KAZN: variants seen among roughly 807,000 people sequenced by gnomAD.
KAZN encodes the protein kazrin, periplakin interacting protein, also known as kazrin.
In KAZN, 40 loss-of-function variants were observed where a neutral mutation model predicts 87.4. The observed-to-expected ratio is 0.46, with a 90% CI of 0.36 to 0.60. KAZN has a LOEUF of 0.60. KAZN is among the 20% of genes least tolerant of loss of function. The probability of loss-of-function intolerance (pLI) is 0.00; values close to 1 mark genes in which losing one functional copy is unlikely to be tolerated. For missense variants in KAZN, 898 were observed against 1,073.9 expected, an observed-to-expected ratio of 0.84 and a Z score of 2.29; for synonymous variants, 466 against 458.3, an observed-to-expected ratio of 1.02 and a Z score of -0.22.
intron 2 of KAZN, among the ~76,000 whole-genome samples, chr1:14,383,937 C>A (rs1305693170): frequency 1.3e-5 from 2 of 151,994 alleles, no homozygotes; most frequent in East Asian, 3.9e-4. Flanking sequence ...TTGATTCTTC[C>A]TACCCATGAG....
At chr1:13,935,760 T>C (rs1222764504) in intron 1 of KAZN, among the ~76,000 whole-genome samples, 2 of 152,140 alleles carry the variant, frequency 1.3e-5, no homozygotes, top group African/African-American at 4.8e-5. Context: ...TTGGTTTGAA[T>C]TTAGTAGCTG....
chr1:14,568,568 G>C (rs1674675846), intron 2 of KAZN, among the ~76,000 whole-genome samples: 2 of 152,128 alleles, frequency 1.3e-5, no homozygotes, highest in African/African-American at 2.4e-5. Flanking sequence ...TCACTATCAT[G>C]AGAACAGCAC....
At chr1:14,087,657 A>G (rs1643886076) in intron 1 of KAZN, among the ~76,000 whole-genome samples, 1 of 151,976 alleles carries the variant, frequency 6.6e-6, no homozygotes, top group Non-Finnish European at 1.5e-5. Context: ...AGTTTTTTTT[A>G]TCAAGAGTGG....
At chr1:14,902,428 C>A (rs1656036830) in intron 1 of KAZN, among the ~76,000 whole-genome samples, 1 of 152,024 alleles carries the variant, frequency 6.6e-6, no homozygotes, top group South Asian at 2.1e-4. Flanking sequence ...CGGGGTTTCA[C>A]CGTGTTAGCC....
At chr1:14,878,850 A>G (rs938015796) in intron 1 of KAZN, among the ~76,000 whole-genome samples, 1 of 152,174 alleles carries the variant, frequency 6.6e-6, no homozygotes, top group Non-Finnish European at 1.5e-5. Context: ...AAGTCCATTG[A>G]ATATTCATGA....
At chr1:14,858,921 T>C (rs1650496772) in intron 1 of KAZN, among the ~76,000 whole-genome samples, 1 of 152,192 alleles carries the variant, frequency 6.6e-6, no homozygotes, top group South Asian at 2.1e-4. Context: ...TCATCTTCCA[T>C]GTATTAAGAA....
intron 1 of KAZN, among the ~76,000 whole-genome samples, chr1:14,139,296 G>A (rs6678827): frequency 0.56 from 84,685 of 152,086 alleles, 24,984 homozygotes; most frequent in East Asian, 0.72. Context: ...TTCTCGCTAT[G>A]GTAATGGCTA....
chr1:14,939,461 G>C (rs181718436), intron 1 of KAZN, among the ~76,000 whole-genome samples: 14 of 151,738 alleles, frequency 9.2e-5, no homozygotes, highest in African/African-American at 3.1e-4. Context: ...TGTTTGTAGA[G>C]ACAGGGTCTC....
At chr1:14,451,579 T>C (rs1212472898) in intron 2 of KAZN, among the ~76,000 whole-genome samples, 4 of 130,274 alleles carry the variant, frequency 3.1e-5, no homozygotes, top group African/African-American at 1.1e-4. Context: ...ACCAGCAGTT[T>C]CAGAAAGAGA....
intron 1 of KAZN, among the ~76,000 whole-genome samples, chr1:13,963,423 G>A (rs1377870613): frequency 1.3e-5 from 2 of 152,194 alleles, no homozygotes; most frequent in Non-Finnish European, 2.9e-5. Context: ...CTACGTTGCT[G>A]GCTGTGTCCT....
chr1:14,577,937 C>T (rs953109785), intron 2 of KAZN, among the ~76,000 whole-genome samples: 1 of 152,154 alleles, frequency 6.6e-6, no homozygotes, highest in Non-Finnish European at 1.5e-5. Context: ...GTCTAACTGT[C>T]AAAAGTCCAA....
At chr1:14,483,654 A>G (rs1372838872) in intron 2 of KAZN, among the ~76,000 whole-genome samples, 1 of 152,214 alleles carries the variant, frequency 6.6e-6, no homozygotes, top group South Asian at 2.1e-4. Flanking sequence ...TTAGGTATGT[A>G]TAGGTTTACA....
chr1:14,184,689 C>T lies in KAZN; in HGVS notation c.249+4097C>T, dbSNP rs1002284233. ...CAATTGGTTTCTGGCAAAACTGGGC[C>T]GATTGAACATGATCAGCTATTTTAG... On this transcript the variant is annotated intron_variant, in intron 2 of 16. Coordinates refer to the KAZN transcript ENST00000636203. The surrounding 1 kb of genome is among the most constrained non-coding windows in gnomAD (Gnocchi z 4.2). 2.0e-5 allele frequency among the ~76,000 whole-genome samples: 3 copies of T among 152,042 alleles called. No individual in the cohort carries two copies. Among genetic ancestry groups the T allele is most frequent in the Non-Finnish European group, 4.4e-5 (3 of 68,010 alleles).
intron 1 of KAZN, among the ~76,000 whole-genome samples, chr1:13,979,647 G>A (rs1350566671): frequency 2.0e-5 from 3 of 152,148 alleles, no homozygotes; most frequent in South Asian, 2.1e-4. Flanking sequence ...TAAAATATGC[G>A]GCAGGGTGTG....
rs370750043 is a variant in KAZN, at chr1:15,048,499, C to T, written c.726+4340C>T. 7.9e-5 allele frequency among the ~76,000 whole-genome samples: 12 copies of T among 152,314 alleles called. No individual in the cohort carries two copies. The South Asian group carries it at 1.7e-3, about 21-fold the overall frequency. On this transcript the variant is annotated intron_variant, in intron 4 of 14. Coordinates refer to ENST00000376030, the MANE Select transcript of KAZN (RefSeq NM_201628.3). ...AAGGCCCGAGCCCACATGAGCCTAC[C>T]GTTGCCCCCGCAGGAGCCTCCCCTC... is the stretch of plus-strand genomic sequence containing the variant.
At chr1:14,487,898 G>T (rs1669431438) in intron 2 of KAZN, among the ~76,000 whole-genome samples, 1 of 152,192 alleles carries the variant, frequency 6.6e-6, no homozygotes, top group Admixed American at 6.5e-5. Flanking sequence ...GGAATGGGAG[G>T]CTTGGAACGG....
At chr1:14,425,100 G>C (rs1363036093) in intron 2 of KAZN, among the ~76,000 whole-genome samples, 2 of 152,220 alleles carry the variant, frequency 1.3e-5, no homozygotes, top group African/African-American at 4.8e-5. Flanking sequence ...CAGAGAGGAG[G>C]TTGGGAGGGG....
At chr1:14,396,152 G>C (rs1157571186) in intron 2 of KAZN, among the ~76,000 whole-genome samples, 3 of 132,804 alleles carry the variant, frequency 2.3e-5, no homozygotes, top group Non-Finnish European at 3.1e-5. Context: ...TGAGCGACAA[G>C]AGCAAGACTC....
At chr1:14,987,635 C>G (rs1165982010) in intron 2 of KAZN, among the ~76,000 whole-genome samples, 1 of 152,092 alleles carries the variant, frequency 6.6e-6, no homozygotes, top group Admixed American at 6.5e-5. Flanking sequence ...TGTTGGGGAC[C>G]CAGAAGCCAT....
Sources: gnomAD v4.1 joint callset for allele counts (sites outside exome capture counted in the v4.1 genomes callset) on GRCh38, gnomAD v4.1.1 for gene constraint, Gnocchi (gnomAD v3.1) non-coding constraint, MANE v1.5 for transcripts, NCBI Gene and HGNC (gene_info 2026-07-23, HGNC 2026-07-21) for gene names.